TSHZ3: variants seen among roughly 807,000 people sequenced by gnomAD.
The protein encoded by TSHZ3 is teashirt homolog 3.
Under a neutral mutation model 64.5 loss-of-function variants are expected in TSHZ3, and 10 were observed. That is an observed-to-expected ratio of 0.16 (90% CI 0.10 to 0.26). TSHZ3 has a LOEUF of 0.26. Ranked by LOEUF, TSHZ3 falls within the 10% of genes least tolerant of loss-of-function variation. TSHZ3 has a pLI of 1.00. For missense variants in TSHZ3, 1,242 were observed against 1,421.7 expected (o/e 0.87, Z 2.03); for synonymous variants, 608 against 593.1 (o/e 1.03, Z -0.36).
At chr19:31,263,632 G>A (rs895274950) in intron 1 of TSHZ3, among the ~76,000 whole-genome samples, 2 of 152,124 alleles carry the variant, frequency 1.3e-5, no homozygotes, top group Non-Finnish European at 2.9e-5. Context: ...GGCCAAGAGA[G>A]GGGGGACAGT....
Position 31,170,141 on chromosome 19 carries a change from G to A in TSHZ3, n.810-13724C>T, listed in dbSNP as rs1193031090. Among the ~76,000 whole-genome samples the A allele has an allele frequency of 5.3e-5, 8 of 152,136 alleles. No homozygotes were observed. In the East Asian group the frequency reaches 1.5e-3, roughly 29 times the overall value. Reference sequence around the variant, plus strand: ...TTGGGGACAAATGTGATGAGTGTTGGGGGCTTAAACAACAGGGATGTATTT... The same window carrying A: ...TTGGGGACAAATGTGATGAGTGTTGAGGGCTTAAACAACAGGGATGTATTT... On this transcript the variant is annotated intron_variant and non_coding_transcript_variant, in intron 5 of 6. Coordinates refer to the TSHZ3 transcript ENST00000651361.
rs548307269 is a variant in TSHZ3 at position 31,338,564 on chromosome 19, GTTTTTCTTTTT to G, written c.40+10605_40+10615del. ...GCTAAGCTTTTCAGATACGGTGTTG[GTTTTTCTTTTT>G]TTTTTCTTTTTTTTTTTTTTTTAGC... On this transcript the variant is annotated intron_variant, in intron 1 of 1. Coordinates refer to ENST00000240587, the MANE Select transcript of TSHZ3 (RefSeq NM_020856.4). 3.5e-3 allele frequency among the ~76,000 whole-genome samples: 506 copies of G among 145,268 alleles called. 4 individuals carry two copies. The highest frequency in any genetic ancestry group is 0.011 in the African/African-American group (455 of 40,048).
At chr19:31,190,220 T>A (rs1428665225) in intron 5 of TSHZ3, among the ~76,000 whole-genome samples, 1 of 152,068 alleles carries the variant, frequency 6.6e-6, no homozygotes, top group African/African-American at 2.4e-5. Context: ...ACCCAAGCAA[T>A]CTACGTAGAT....
chr19:31,349,966 C>T (rs2021661147), upstream of TSHZ3, among the ~76,000 whole-genome samples: 1 of 147,114 alleles, frequency 6.8e-6, no homozygotes, highest in Admixed American at 6.7e-5. Flanking sequence ...GGGTGCCGCC[C>T]CTCCGCCTCC....
intron 5 of TSHZ3, among the ~76,000 whole-genome samples, chr19:31,167,362 C>A (rs1490260088): frequency 6.6e-6 from 1 of 152,094 alleles, no homozygotes; most frequent in Non-Finnish European, 1.5e-5. Flanking sequence ...ATTGAAGGGA[C>A]CTGGGAGAAC....
rs1012012617 is a variant in TSHZ3, at chr19:31,235,272, C to A, written n.550+6997G>T. On this transcript the variant is annotated intron_variant and non_coding_transcript_variant, in intron 3 of 6. Transcript: ENST00000651361. ...AGATTAATCTACTATTGTCACCATG[C>A]TGTACATTAGCTCTCCAGGACTTAT... Among the ~76,000 whole-genome samples the A allele has an allele frequency of 4.6e-5, 7 of 152,300 alleles. No individual in the cohort carries two copies. In the East Asian group the frequency reaches 1.3e-3, roughly 29 times the overall value.
intron 1 of TSHZ3, among the ~76,000 whole-genome samples, chr19:31,323,968 C>T (rs927617286): frequency 2.6e-5 from 4 of 151,648 alleles, no homozygotes; most frequent in Non-Finnish European, 4.4e-5. Flanking sequence ...TGTGGGGCTA[C>T]CCTCATTCAA....
intron 4 of TSHZ3, among the ~76,000 whole-genome samples, chr19:31,226,220 C>T (rs1259850849): frequency 6.6e-6 from 1 of 151,898 alleles, no homozygotes. Context: ...CCTTCAATTC[C>T]ACTTCTTCCC....
At chr19:31,229,437 C>T (rs1041593342) in intron 3 of TSHZ3, among the ~76,000 whole-genome samples, 6 of 151,938 alleles carry the variant, frequency 3.9e-5, no homozygotes, top group Admixed American at 1.3e-4. Context: ...GGGACAACTG[C>T]GAAACACTAA....
At chr19:31,237,373 TC>T (rs1292648820) in intron 3 of TSHZ3, among the ~76,000 whole-genome samples, 1 of 152,166 alleles carries the variant, frequency 6.6e-6, no homozygotes, top group African/African-American at 2.4e-5. Context: ...TATTATTGCT[TC>T]TTATTATTCT....
At chr19:31,290,390 G>A (rs1170286404) in intron 1 of TSHZ3, among the ~76,000 whole-genome samples, 1 of 152,120 alleles carries the variant, frequency 6.6e-6, no homozygotes, top group African/African-American at 2.4e-5. Context: ...AACAGAGAGA[G>A]GAGATGGCAG....
At chr19:31,280,624 A>G (rs182127449) in intron 1 of TSHZ3, among the ~76,000 whole-genome samples, 92 of 152,306 alleles carry the variant, frequency 6.0e-4, no homozygotes, top group Admixed American at 1.3e-3. Context: ...GGACCTTACA[A>G]ATGTCAAAGT....
intron 5 of TSHZ3, among the ~76,000 whole-genome samples, chr19:31,163,853 G>A (rs944590830): frequency 1.1e-4 from 16 of 152,214 alleles, no homozygotes; most frequent in Non-Finnish European, 1.6e-4. Flanking sequence ...AAGAAGAGCT[G>A]CAAGTATATA....
intron 1 of TSHZ3, among the ~76,000 whole-genome samples, chr19:31,287,296 C>T (rs1163128319): frequency 1.3e-5 from 2 of 152,304 alleles, no homozygotes; most frequent in Middle Eastern, 3.4e-3. Flanking sequence ...TATAACCCTC[C>T]GTTTCCCCTG....
chr19:31,276,584 T>C lies in TSHZ3; in HGVS notation c.3209A>G (p.Asp1070Gly). The C allele has an allele frequency of 6.3e-7, 1 of 1,582,940 alleles. No homozygotes were observed. The highest frequency in any genetic ancestry group is 8.6e-7 in the Non-Finnish European group (1 of 1,160,058). ...TAACTCAGAGACATACAGAAGGTGGTCTTCCGGAGATTTCCCGTGTGTTTT... is the reference window on the plus strand; with the variant it reads ...TAACTCAGAGACATACAGAAGGTGGCCTTCCGGAGATTTCCCGTGTGTTTT... Reference protein sequence around the residue: ...LSKTHGKSPEDHLLYVSELEK... With the variant: ...LSKTHGKSPEGHLLYVSELEK... Residue 1070 changes from aspartate to glycine, a missense_variant, in exon 2 of 2, where the codon GAC becomes GGC. Physicochemically the swap from Asp to Gly is moderately conservative, Grantham distance 94. This residue lies in a region of TSHZ3 where 126 missense variants were observed against 140.6 expected (regional missense o/e 0.90). Transcript: ENST00000240587.
intron 1 of TSHZ3, among the ~76,000 whole-genome samples, chr19:31,347,251 A>T (rs2021545670): frequency 6.6e-6 from 1 of 151,992 alleles, no homozygotes; most frequent in Non-Finnish European, 1.5e-5. Flanking sequence ...ATAAATAAAT[A>T]AATAAATAAA....
At chr19:31,274,061 T>C (rs186168116), downstream of TSHZ3, among the ~76,000 whole-genome samples, 4 of 151,612 alleles carry the variant, frequency 2.6e-5, no homozygotes, top group Admixed American at 2.6e-4. Flanking sequence ...GAAAAAGGGG[T>C]GGGGATGAGC....
chr19:31,332,287 G>A lies in TSHZ3; in HGVS notation c.40+16893C>T, dbSNP rs142928467. On this transcript the variant is annotated intron_variant, in intron 1 of 1. Transcript: ENST00000240587. Reference sequence around the variant, plus strand: ...CCAGAATGCGGCTCCCACTCGCTCTGCCACGATTCCAGTAACCTAACTGCT... The same window carrying A: ...CCAGAATGCGGCTCCCACTCGCTCTACCACGATTCCAGTAACCTAACTGCT... Among the ~76,000 whole-genome samples the A allele has an allele frequency of 5.3e-5, 8 of 152,224 alleles. No individual in the cohort carries two copies. In the East Asian group the frequency reaches 1.4e-3, roughly 26 times the overall value.
At chr19:31,264,563 C>G (rs1476232212) in intron 1 of TSHZ3, among the ~76,000 whole-genome samples, 1 of 152,194 alleles carries the variant, frequency 6.6e-6, no homozygotes, top group Non-Finnish European at 1.5e-5. Context: ...GAGCGGATGT[C>G]CTGTCTAAAA....
Sources: gnomAD v4.1 joint callset for allele counts (sites outside exome capture counted in the v4.1 genomes callset) on GRCh38, gnomAD v4.1.1 for gene constraint, gnomAD v4.1.1 regional missense constraint, MANE v1.5 for transcripts, NCBI Gene and HGNC (gene_info 2026-07-23, HGNC 2026-07-21) for gene names.